CNTLN: variants seen among roughly 807,000 people sequenced by gnomAD.
CNTLN encodes centlein, centrosomal protein.
A neutral mutation model predicts 180.0 loss-of-function variants in CNTLN; 212 were observed. That is an observed-to-expected ratio of 1.18 (90% CI 1.05 to 1.32). The LOEUF is 1.32. Among genes scored for constraint, CNTLN ranks in the 40% most tolerant of loss-of-function variants. The pLI is 0.00. For missense variants in CNTLN, 2,095 were observed against 1,610.9 expected (o/e 1.30, Z -5.14); for synonymous variants, 722 against 563.1 (o/e 1.28, Z -3.99).
chr9:17,262,030 A>G (rs1010976948), intron 5 of CNTLN, among the ~76,000 whole-genome samples: 2 of 151,606 alleles, frequency 1.3e-5, no homozygotes, highest in Non-Finnish European at 2.9e-5. Context: ...ATGAGATACC[A>G]TCTCACGCCA....
At chr9:17,502,047 A>T (rs950140507) in intron 25 of CNTLN, among the ~76,000 whole-genome samples, 6 of 152,142 alleles carry the variant, frequency 3.9e-5, no homozygotes, top group African/African-American at 1.5e-4. Flanking sequence ...ACTTTTCTAT[A>T]ACAACTTAAT....
At chr9:17,240,015 A>G (rs1351582165) in intron 5 of CNTLN, among the ~76,000 whole-genome samples, 1 of 152,164 alleles carries the variant, frequency 6.6e-6, no homozygotes, top group East Asian at 1.9e-4. Flanking sequence ...CAGAGAGTTT[A>G]ATAGAGATTG....
Position 17,398,480 on chromosome 9 carries a change from C to G in CNTLN, c.2615+3411C>G, listed in dbSNP as rs984995815. Among the ~76,000 whole-genome samples, 6 of 152,138 alleles carry G rather than the reference C, an allele frequency of 3.9e-5. 1 individual carries two copies. The highest frequency in any genetic ancestry group is 7.4e-5 in the Non-Finnish European group (5 of 68,014). On this transcript the variant is annotated intron_variant, in intron 15 of 25. Coordinates refer to ENST00000380647, the MANE Select transcript of CNTLN (RefSeq NM_017738.4). ...ATCTGCAAAGTCCTTGAGTGGTTAT[C>G]TCTTCATGCTATCATAAGTTGCATA...
At chr9:17,166,926 C>T (rs1263165864) in intron 2 of CNTLN, 2 of 453,148 alleles carry the variant, frequency 4.4e-6, no homozygotes, top group Non-Finnish European at 9.0e-6. Context: ...TAAAGATATT[C>T]CAAGGTGAAG....
At chr9:17,365,025 G>A (rs1403947912) in intron 12 of CNTLN, among the ~76,000 whole-genome samples, 8 of 152,132 alleles carry the variant, frequency 5.3e-5, no homozygotes, top group Non-Finnish European at 8.8e-5. Context: ...GTTTCCTGTC[G>A]TTAGCTCATT....
chr9:17,503,231 A>G lies in CNTLN; in HGVS notation c.*579A>G, dbSNP rs1329999317. On this transcript the variant is annotated 3_prime_UTR_variant, in exon 26 of 26. Coordinates refer to ENST00000380647, the MANE Select transcript of CNTLN (RefSeq NM_017738.4). ...TCTACAACTCTTTGGCAAAAACAAA[A>G]ACATTTTCTTCTTCTCTCTCTTAAC... 6.6e-6 allele frequency: 1 copy of G among 152,244 alleles called. No homozygotes were observed. The highest frequency in any genetic ancestry group is 1.5e-5 in the Non-Finnish European group (1 of 68,076). 9.4% of individuals were successfully genotyped at this position (152,244 alleles called of 1,614,324 possible).
intron 10 of CNTLN, among the ~76,000 whole-genome samples, chr9:17,334,214 C>A (rs1323577495): frequency 6.6e-6 from 1 of 152,010 alleles, no homozygotes; most frequent in Non-Finnish European, 1.5e-5. Context: ...CGTGTGCCAC[C>A]ACTCCTGGCT....
intron 10 of CNTLN, among the ~76,000 whole-genome samples, chr9:17,340,495 T>C (rs887529646): frequency 1.3e-5 from 2 of 152,342 alleles, no homozygotes; most frequent in East Asian, 1.9e-4. Flanking sequence ...TAAAACCTTA[T>C]GCTGAAAAAG....
At chr9:17,434,607 G>A (rs537097624) in intron 18 of CNTLN, among the ~76,000 whole-genome samples, 1 of 151,722 alleles carries the variant, frequency 6.6e-6, no homozygotes, top group Non-Finnish European at 1.5e-5. Flanking sequence ...TTCCAAATTT[G>A]TTGACGTTGG....
In CNTLN at chr9:17,457,719, A is replaced by G. The variant is rs1165655316; in HGVS notation, c.3306+4A>G. 6 of 1,420,584 alleles carry G rather than the reference A, an allele frequency of 4.2e-6. No homozygotes were observed. In the East Asian group the frequency reaches 1.3e-4, roughly 32 times the overall value. The allele number at this position is 1,420,584 out of a possible 1,614,324, so 88.0% of individuals were successfully genotyped here. A position where few individuals can be genotyped will look rare whatever the true frequency, so the allele number is the denominator to read the frequency against. On this transcript the variant is annotated splice_donor_region_variant and intron_variant, in intron 19 of 25. Coordinates refer to ENST00000380647, the MANE Select transcript of CNTLN (RefSeq NM_017738.4). ...GCAATTGCAGTATAAACTAAAGGTG[A>G]TTATAAAATTTATTAAGCATGAAAA...
rs149279913 is a variant in CNTLN, at chr9:17,326,322, A to G, written c.1342-4310A>G. ...TTAGAGAAAAAAATTTATTTATAAAATGTGAATAATTGTTAGGAAGGAAAG... is the reference window on the plus strand; with the variant it reads ...TTAGAGAAAAAAATTTATTTATAAAGTGTGAATAATTGTTAGGAAGGAAAG... On this transcript the variant is annotated intron_variant, in intron 8 of 25. Coordinates refer to ENST00000380647, the MANE Select transcript of CNTLN (RefSeq NM_017738.4). Among the ~76,000 whole-genome samples, 315 of 152,204 alleles carry G rather than the reference A, an allele frequency of 2.1e-3. 1 individual carries two copies. Among genetic ancestry groups the G allele is most frequent in the African/African-American group, 7.2e-3 (299 of 41,568 alleles).
chr9:17,477,084 G>A (rs2134270906), intron 23 of CNTLN, among the ~76,000 whole-genome samples: 1 of 152,212 alleles, frequency 6.6e-6, no homozygotes. Flanking sequence ...AATCTACTGT[G>A]CCTATGCTCC....
chr9:17,359,593 A>G (rs1310125454), intron 12 of CNTLN, among the ~76,000 whole-genome samples: 2 of 151,458 alleles, frequency 1.3e-5, no homozygotes, highest in Non-Finnish European at 2.9e-5. Flanking sequence ...ACATAAGAGG[A>G]CATCCAGGCC....
intron 2 of CNTLN, among the ~76,000 whole-genome samples, chr9:17,213,991 G>A (rs910295479): frequency 1.3e-5 from 2 of 152,044 alleles, no homozygotes; most frequent in East Asian, 1.9e-4. Flanking sequence ...ACACTGATGG[G>A]TCTTGACTCT....
intron 23 of CNTLN, among the ~76,000 whole-genome samples, chr9:17,482,609 T>G (rs1832706863): frequency 6.6e-6 from 1 of 152,138 alleles, no homozygotes; most frequent in South Asian, 2.1e-4. Context: ...GAATGTGAAA[T>G]TCATATGGAA....
intron 6 of CNTLN, among the ~76,000 whole-genome samples, chr9:17,285,001 AT>A (rs61284504): frequency 0.22 from 31,715 of 144,486 alleles, 3,844 homozygotes; most frequent in African/African-American, 0.34. Context: ...TTCTGCCTTA[AT>A]TTTTTTTTTT....
chr9:17,250,843 A>G (rs1261493086), intron 5 of CNTLN, among the ~76,000 whole-genome samples: 1 of 152,078 alleles, frequency 6.6e-6, no homozygotes, highest in Admixed American at 6.6e-5. Flanking sequence ...TACCTTTACT[A>G]GAAGTCTTTA....
chr9:17,294,223 C>G (rs770436430), intron 6 of CNTLN, among the ~76,000 whole-genome samples: 3 of 151,984 alleles, frequency 2.0e-5, no homozygotes, highest in Non-Finnish European at 4.4e-5. Context: ...AAAGCTTCCA[C>G]AGTGTGGAAG....
At chr9:17,197,757 A>G (rs1822229928) in intron 2 of CNTLN, among the ~76,000 whole-genome samples, 1 of 152,074 alleles carries the variant, frequency 6.6e-6, no homozygotes, top group Non-Finnish European at 1.5e-5. Context: ...CCATGTATCC[A>G]TTTTTGCTTT....
Sources: allele counts gnomAD v4.1 joint callset (sites outside exome capture counted in the v4.1 genomes callset), GRCh38; gene constraint gnomAD v4.1.1; transcripts MANE v1.5; gene names NCBI Gene and HGNC (gene_info 2026-07-23, HGNC 2026-07-21).